Variants in RBSN observed in about 807,000 individuals in gnomAD.
RBSN encodes rabenosyn-5.
RBSN carries 34 observed loss-of-function variants against 60.5 expected under a neutral mutation model. The observed-to-expected ratio is 0.56, with a 90% confidence interval of 0.43 to 0.75. The LOEUF is 0.75. RBSN is among the 30% of genes least tolerant of loss of function. The probability of loss-of-function intolerance (pLI) is 0.00; values close to 1 mark genes in which losing one functional copy is unlikely to be tolerated. For missense variants in RBSN, 845 were observed against 986.8 expected (o/e 0.86, Z 1.92); for synonymous variants, 322 against 366.9 (o/e 0.88, Z 1.40).
At chr3:15,098,504 C>T (rs1382789280) in intron 1 of RBSN, among the ~76,000 whole-genome samples, 2 of 132,572 alleles carry the variant, frequency 1.5e-5, no homozygotes, top group Admixed American at 7.7e-5. Context: ...GTTCTGCAGC[C>T]GTACATCCAG....
In RBSN at chr3:15,090,539, C is replaced by T. The variant is rs2043485351; in HGVS notation, c.149G>A (p.Ser50Asn). The change falls in exon 5 of 14, where the codon AGT (serine) becomes AAT (asparagine). Residue 50 changes from serine to asparagine, a missense_variant and splice_region_variant. Physicochemically the swap from Ser to Asn is conservative, Grantham distance 46. Coordinates refer to ENST00000253699, the MANE Select transcript of RBSN (RefSeq NM_022340.4). ...EDRDVKGQIK[S>N]LVQKAKKAKD... ...TGCTTTTTTAGCCTTCTGGACAAGA[C>T]CTTGAAAAATGGAACAAATAATACA... 3 of 1,613,176 alleles carry T rather than the reference C, an allele frequency of 1.9e-6. No individual in the cohort carries two copies. Among genetic ancestry groups the T allele is most frequent in the Non-Finnish European group, 2.5e-6 (3 of 1,179,784 alleles).
At chr3:15,098,573 C>A (rs1046789274) in intron 1 of RBSN, among the ~76,000 whole-genome samples, 1 of 152,052 alleles carries the variant, frequency 6.6e-6, no homozygotes, top group African/African-American at 2.4e-5. Context: ...CGCACTCAAC[C>A]CGGCCTCACG....
chr3:15,086,632 TGTTAAATA>T (rs2043350927), intron 5 of RBSN, among the ~76,000 whole-genome samples: 2 of 152,266 alleles, frequency 1.3e-5, no homozygotes, highest in African/African-American at 4.8e-5. Flanking sequence ...CTCATGCCAA[TGTTAAATA>T]AACAGGGTGG....
chr3:15,089,407 T>G (rs2043434678), intron 5 of RBSN, among the ~76,000 whole-genome samples: 1 of 124,418 alleles, frequency 8.0e-6, no homozygotes, highest in South Asian at 2.5e-4. Flanking sequence ...CAGTGAGCCA[T>G]GACGGAGCCC....
In RBSN at chr3:15,073,870, C is replaced by G; in HGVS notation, c.2267G>C (p.Cys756Ser). 1.2e-6 allele frequency: 2 copies of G among 1,614,000 alleles called. No homozygotes were observed. The highest frequency in any genetic ancestry group is 1.7e-6 in the Non-Finnish European group (2 of 1,180,006). ...IKAYIFDAKQCGRLDEVEVLT... is the reference protein window; with the variant it reads ...IKAYIFDAKQSGRLDEVEVLT... ...CACCTCTACCTCATCCAGGCGGCCG[C>G]ACTGCTTGGCATCAAAGATGTATGC... Residue 756 changes from cysteine (C) to serine (S), a missense_variant, in exon 14 of 14, where the codon TGC becomes TCC. Transcript: ENST00000253699.
chr3:15,098,814 C>A (rs113941813), intron 1 of RBSN, among the ~76,000 whole-genome samples: 2 of 152,236 alleles, frequency 1.3e-5, no homozygotes, highest in Non-Finnish European at 2.9e-5. Context: ...CCCACTCCAC[C>A]CACAGCTGCA....
At chr3:15,086,081 C>T (rs559179431) in intron 5 of RBSN, 120 bp from the exon 6 acceptor site, 7 of 334,060 alleles carry the variant, frequency 2.1e-5, no homozygotes, top group South Asian at 1.9e-4. Flanking sequence ...AGCGAGACCC[C>T]GTCTCTCTCC....
chr3:15,091,990 T>C (rs188609324), intron 4 of RBSN, among the ~76,000 whole-genome samples: 7 of 152,318 alleles, frequency 4.6e-5, no homozygotes, highest in Admixed American at 4.6e-4. Context: ...TCAGACTGAA[T>C]ATAAAATGGT....
intron 6 of RBSN, 61 bp from the exon 7 acceptor site, chr3:15,085,106 T>C (rs545765002): frequency 8.4e-5 from 132 of 1,571,390 alleles, no homozygotes; most frequent in Non-Finnish European, 1.1e-4. Context: ...TGCTCCACAC[T>C]TTCCAATACA....
At chr3:15,076,865 A>G (rs2043067058) in intron 12 of RBSN, among the ~76,000 whole-genome samples, 197 bp downstream of exon 12, 1 of 152,274 alleles carries the variant, frequency 6.6e-6, no homozygotes, top group South Asian at 2.1e-4. Context: ...TAATGGGGAC[A>G]TAGGATTAAA....
intron 9 of RBSN, among the ~76,000 whole-genome samples, chr3:15,081,794 A>C (rs1235986414): frequency 6.6e-6 from 1 of 152,140 alleles, no homozygotes; most frequent in Non-Finnish European, 1.5e-5. Flanking sequence ...CTGGCCATTA[A>C]GGGACCAAGC....
Position 15,074,112 on chromosome 3 carries a change from T to C in RBSN, c.2025A>G (p.Ala675=), listed in dbSNP as rs2042985899. ...EEEDEEEEAV[A]GNPFIQPDSP... ...TGTCTGGCTGAATGAATGGATTCCC[T>C]GCCACTGCTTCCTCCTCCTCGTCCT... Residue 675 remains alanine (A), a synonymous_variant, in exon 14 of 14, where the codon GCA becomes GCG. Transcript: ENST00000253699. This position sits in a 1 kb window ranked among gnomAD's most constrained non-coding sequence, Gnocchi z 6.4. 1 of 1,614,142 alleles carries C rather than the reference T, an allele frequency of 6.2e-7. No homozygotes were observed. The highest frequency in any genetic ancestry group is 8.5e-7 in the Non-Finnish European group (1 of 1,179,992).
In RBSN at chr3:15,070,579, G is replaced by A. The variant is rs1011863328; in HGVS notation, c.*3203C>T. The stretch of plus-strand genomic sequence containing the variant: ...CATGAGGTAAGAACTTGAAGTTGTG[G>A]TTATAATACATAGGCCAAGTTTGCC... On this transcript the variant is annotated 3_prime_UTR_variant, in exon 14 of 14. Transcript: ENST00000253699. 1.3e-5 allele frequency: 2 copies of A among 152,562 alleles called. No homozygotes were observed. Among genetic ancestry groups the A allele is most frequent in the African/African-American group, 4.8e-5 (2 of 41,414 alleles). The allele number at this position is 152,562 out of a possible 1,614,324, so 9.5% of individuals were successfully genotyped here.
rs147577833 is a variant in RBSN, at chr3:15,074,170, C to G, written c.1967G>C (p.Arg656Pro). 101 of 1,613,258 alleles carry G rather than the reference C, an allele frequency of 6.3e-5. No individual in the cohort carries two copies. The African/African-American group carries it at 1.1e-3, about 18-fold the overall frequency. The stretch of plus-strand genomic sequence containing the variant: ...GAAAGGATTGTACTCTTTCAGGATG[C>G]GGGCTGAAGGGTCTAAGGAAACCCC... ...AAGVSLDPSA[R>P]ILKEYNPFEE... The change falls in exon 14 of 14, where the codon CGC (arginine) becomes CCC (proline). Residue 656 changes from arginine to proline, a missense_variant. Coordinates refer to ENST00000253699, the MANE Select transcript of RBSN (RefSeq NM_022340.4). The surrounding 1 kb of genome is among the most constrained non-coding windows in gnomAD (Gnocchi z 6.4).
intron 9 of RBSN, 180 bp from the exon 10 acceptor site, chr3:15,080,982 A>G (rs1490985150): frequency 1.0e-5 from 6 of 581,656 alleles, no homozygotes; most frequent in East Asian, 2.8e-5. Flanking sequence ...TAGGAAGGAA[A>G]GAAAGTGAGA....
At chr3:15,088,940 T>C (rs1677587411) in intron 5 of RBSN, among the ~76,000 whole-genome samples, 1 of 152,166 alleles carries the variant, frequency 6.6e-6, no homozygotes, top group African/African-American at 2.4e-5. Flanking sequence ...ACTAAAAAGA[T>C]ACAGTAGATG....
At chr3:15,091,564 G>A (rs1046382836) in intron 4 of RBSN, 46 of 1,191,452 alleles carry the variant, frequency 3.9e-5, no homozygotes, top group Non-Finnish European at 4.6e-5. Flanking sequence ...TTTAGCCATC[G>A]TATGTACCAG....
chr3:15,083,968 T>C (rs780695648), intron 8 of RBSN, among the ~76,000 whole-genome samples: 8 of 152,186 alleles, frequency 5.3e-5, no homozygotes, highest in African/African-American at 1.9e-4. Flanking sequence ...TATCCCCTGA[T>C]AGATGCTAGA....
At position 15,073,191 on chromosome 3, in the gene RBSN, C is replaced by T. The variant is rs2042960041; in HGVS notation, c.*591G>A. ...GGCTCTCCTGGGTCTAAACTCTCCC[C>T]TTCATAGCAGCACCTCCCCCTTCTA... On this transcript the variant is annotated 3_prime_UTR_variant, in exon 14 of 14. Transcript: ENST00000253699. 6.5e-6 allele frequency: 1 copy of T among 152,830 alleles called. No homozygotes were observed. The highest frequency in any genetic ancestry group is 6.5e-5 in the Admixed American group (1 of 15,292). The allele number at this position is 152,830 out of a possible 1,614,324, so 9.5% of individuals were successfully genotyped here.
Sources: gnomAD v4.1 joint callset for allele counts (sites outside exome capture counted in the v4.1 genomes callset) on GRCh38, gnomAD v4.1.1 for gene constraint, Gnocchi (gnomAD v3.1) non-coding constraint, MANE v1.5 for transcripts, NCBI Gene and HGNC (gene_info 2026-07-23, HGNC 2026-07-21) for gene names.